The following COL25A1 variants were observed in gnomAD, a reference collection of about 807,000 sequenced individuals.
The protein encoded by COL25A1 is collagen alpha-1(XXV) chain.
Under a neutral mutation model 128.4 loss-of-function variants are expected in COL25A1, and 103 were observed. The observed-to-expected ratio is 0.80, with a 90% CI of 0.68 to 0.94. COL25A1 has a LOEUF of 0.94. Among genes scored for constraint, COL25A1 ranks in the 40% least tolerant of loss-of-function variants. The probability of loss-of-function intolerance (pLI) is 0.00; values close to 1 mark genes in which losing one functional copy is unlikely to be tolerated. For missense variants in COL25A1, 745 were observed against 840.0 expected, an observed-to-expected ratio of 0.89 and a Z score of 1.40; for synonymous variants, 279 against 277.2, an observed-to-expected ratio of 1.01 and a Z score of -0.06.
chr4:109,113,450 ATTTTG>A (rs1767227872), intron 3 of COL25A1, among the ~76,000 whole-genome samples: 1 of 151,948 alleles, frequency 6.6e-6, no homozygotes, highest in African/African-American at 2.4e-5. Flanking sequence ...CTCAAATGTA[ATTTTG>A]TTTTTAGTTT....
chr4:109,218,357 G>GTTTTTTTTTTTTTTGTTTTTTTTTTTT (rs1560887047), intron 3 of COL25A1, among the ~76,000 whole-genome samples: 32 of 73,552 alleles, frequency 4.4e-4, no homozygotes, highest in East Asian at 2.5e-3. Context: ...GTTTTTTGGG[G>GTTTTTTTTTTTTTTGTTTTTTTTTTTT]TTTTTTTTTT....
chr4:109,210,402 T>G (rs529640180), intron 3 of COL25A1, among the ~76,000 whole-genome samples: 42 of 152,328 alleles, frequency 2.8e-4, no homozygotes, highest in African/African-American at 9.4e-4. Flanking sequence ...AAGTTCAAAA[T>G]AGTCGCTCTC....
rs140301668 is a variant in COL25A1, at chr4:108,969,288, T to A, written c.492+5079A>T. On this transcript the variant is annotated intron_variant, in intron 8 of 37. Coordinates refer to ENST00000399132, the MANE Select transcript of COL25A1 (RefSeq NM_198721.4). ...CAATGAGACATGACCAGAAGTCTAC[T>A]AAGAAGTTCATAGGGAAAATGTTGC... 2.3e-3 allele frequency among the ~76,000 whole-genome samples: 348 copies of A among 152,316 alleles called. 1 individual carries two copies. Among genetic ancestry groups the A allele is most frequent in the African/African-American group, 7.8e-3 (325 of 41,562 alleles).
chr4:108,951,276 AAAAGT>A (rs1749390143), intron 8 of COL25A1, among the ~76,000 whole-genome samples: 1 of 152,224 alleles, frequency 6.6e-6, no homozygotes, highest in South Asian at 2.1e-4. Context: ...CAATTCTGAC[AAAAGT>A]AAAGAACAGA....
At chr4:108,917,657 G>A (rs1205151836) in intron 13 of COL25A1, among the ~76,000 whole-genome samples, 1 of 152,154 alleles carries the variant, frequency 6.6e-6, no homozygotes, top group African/African-American at 2.4e-5. Flanking sequence ...ATTATTAACA[G>A]TACAATAAAA....
At chr4:109,132,790 A>G (rs1769350828) in intron 3 of COL25A1, among the ~76,000 whole-genome samples, 2 of 152,118 alleles carry the variant, frequency 1.3e-5, no homozygotes, top group South Asian at 4.1e-4. Flanking sequence ...ACTTCTAATA[A>G]TACAATTCTG....
rs528297503 is a variant in COL25A1, at chr4:109,138,329, T to C, written c.368-88150A>G. Among the ~76,000 whole-genome samples the C allele has an allele frequency of 2.6e-5, 4 of 152,330 alleles. No homozygotes were observed. The South Asian group carries it at 8.3e-4, about 32-fold the overall frequency. The stretch of plus-strand genomic sequence containing the variant: ...AATGACATGAACTCATCCTTTTTCA[T>C]CACTGCATAGTATTCCATGGCGTAT... On this transcript the variant is annotated intron_variant, in intron 3 of 37. Transcript: ENST00000399132.
chr4:109,010,318 C>T (rs1756453541), intron 6 of COL25A1, 40 bp downstream of exon 6: 2 of 1,528,690 alleles, frequency 1.3e-6, no homozygotes, highest in Non-Finnish European at 1.8e-6. Context: ...CTGGGAAAAT[C>T]CTAAATTGAA....
In COL25A1 at chr4:108,974,531, A is replaced by G. The variant is rs1450119541; in HGVS notation, c.465+2T>C. On this transcript the variant is annotated splice_donor_variant, in intron 7 of 37. Coordinates refer to ENST00000399132, the MANE Select transcript of COL25A1 (RefSeq NM_198721.4). LOFTEE classifies it high-confidence loss of function. ...CTTTATTTCTGGTATGCATTTTCTT[A>G]CCTTATCGCCTTTTGGACCAGGAGG... 6.2e-7 allele frequency: 1 copy of G among 1,610,316 alleles called. No individual in the cohort carries two copies. The highest frequency in any genetic ancestry group is 2.2e-5 in the East Asian group (1 of 44,798).
intron 20 of COL25A1, 143 bp downstream of exon 20, chr4:108,868,940 GAAAGA>G (rs1560777627): frequency 1.9e-6 from 1 of 525,404 alleles, no homozygotes; most frequent in East Asian, 3.4e-5. Context: ...AGGAAGGAAA[GAAAGA>G]AAAGAAAGAA....
chr4:109,249,165 C>T (rs1213186708), intron 3 of COL25A1, among the ~76,000 whole-genome samples: 1 of 152,166 alleles, frequency 6.6e-6, no homozygotes, highest in African/African-American at 2.4e-5. Context: ...TCTGAGGCTC[C>T]ATAGGCAAAA....
At chr4:108,992,611 T>C (rs1003769221) in intron 6 of COL25A1, among the ~76,000 whole-genome samples, 12 of 152,178 alleles carry the variant, frequency 7.9e-5, no homozygotes, top group Admixed American at 1.3e-4. Flanking sequence ...GGCCCTGGGT[T>C]AGTACTGTTT....
intron 3 of COL25A1, among the ~76,000 whole-genome samples, chr4:109,084,288 G>A (rs912047751): frequency 2.6e-4 from 39 of 152,050 alleles, no homozygotes; most frequent in Admixed American, 7.2e-4. Flanking sequence ...CCTAACTAAC[G>A]TGTTGAAAGA....
intron 5 of COL25A1, among the ~76,000 whole-genome samples, chr4:109,026,282 A>C (rs887498729): frequency 1.3e-5 from 2 of 152,184 alleles, no homozygotes; most frequent in Admixed American, 6.5e-5. Context: ...GATAAAAAAA[A>C]CCTAAAAACA....
At chr4:109,247,103 C>T (rs2126238026) in intron 3 of COL25A1, among the ~76,000 whole-genome samples, 1 of 152,238 alleles carries the variant, frequency 6.6e-6, no homozygotes, top group South Asian at 2.1e-4. Flanking sequence ...GTGGTTCATG[C>T]CTGTAATCCC....
intron 31 of COL25A1, 22 bp from the exon 32 acceptor site, chr4:108,832,455 A>C (rs1733244738): frequency 1.3e-5 from 20 of 1,529,422 alleles, no homozygotes; most frequent in Non-Finnish European, 1.8e-5. Flanking sequence ...ATAATATGAG[A>C]TATATCACAA....
intron 23 of COL25A1, among the ~76,000 whole-genome samples, 177 bp downstream of exon 23, chr4:108,860,750 C>T (rs897876991): frequency 1.3e-5 from 2 of 152,132 alleles, no homozygotes; most frequent in East Asian, 1.9e-4. Context: ...ACATGCACTG[C>T]TCCTGGTGAG....
chr4:108,874,766 G>A (rs1560788095), intron 19 of COL25A1, among the ~76,000 whole-genome samples: 1 of 152,140 alleles, frequency 6.6e-6, no homozygotes, highest in Non-Finnish European at 1.5e-5. Context: ...AGAAAAATGA[G>A]GGAAAGACAA....
At chr4:108,983,800 G>A (rs1202168901) in intron 6 of COL25A1, among the ~76,000 whole-genome samples, 2 of 152,168 alleles carry the variant, frequency 1.3e-5, no homozygotes, top group African/African-American at 2.4e-5. Context: ...CTGGCTTCAG[G>A]AGTGAAGCTG....
Sources: gnomAD v4.1 joint callset for allele counts (sites outside exome capture counted in the v4.1 genomes callset) on GRCh38, gnomAD v4.1.1 for gene constraint, MANE v1.5 for transcripts, NCBI Gene and HGNC (gene_info 2026-07-23, HGNC 2026-07-21) for gene names.